PTPRD: variants seen among roughly 807,000 people sequenced by gnomAD.
PTPRD encodes the protein receptor-type tyrosine-protein phosphatase delta.
In PTPRD, 34 loss-of-function variants were observed where a neutral mutation model predicts 214.5. That is an observed-to-expected ratio of 0.16 (90% CI 0.12 to 0.21). The LOEUF is 0.21. PTPRD is among the 10% of genes least tolerant of loss of function. The probability of loss-of-function intolerance (pLI) is 1.00; values close to 1 mark genes in which losing one functional copy is unlikely to be tolerated. For synonymous variants in PTPRD, 1,128 were observed against 845.7 expected, an observed-to-expected ratio of 1.33 and a Z score of -5.79; for missense variants, 2,545 against 2,398.7, an observed-to-expected ratio of 1.06 and a Z score of -1.27.
chr9:10,442,922 A>T (rs73408129), intron 2 of PTPRD, among the ~76,000 whole-genome samples: 1,536 of 151,482 alleles, frequency 0.01, 22 homozygotes, highest in African/African-American at 0.029. Flanking sequence ...GACATGTATT[A>T]GTTGATTGTT....
intron 10 of PTPRD, among the ~76,000 whole-genome samples, chr9:9,127,849 G>A (rs913872901): frequency 3.3e-5 from 5 of 152,118 alleles, no homozygotes; most frequent in Non-Finnish European, 7.4e-5. Context: ...TTTAGCAAAA[G>A]GAAGAAAAGG....
At chr9:9,348,853 T>C (rs10816097) in intron 9 of PTPRD, among the ~76,000 whole-genome samples, 33,210 of 152,022 alleles carry the variant, frequency 0.22, 4,266 homozygotes, top group Non-Finnish European at 0.29. Flanking sequence ...ATAAGGTCCC[T>C]CTGTACTACA....
chr9:10,587,776 A>G (rs1163927957), intron 2 of PTPRD, among the ~76,000 whole-genome samples: 1 of 152,102 alleles, frequency 6.6e-6, no homozygotes, highest in Non-Finnish European at 1.5e-5. Flanking sequence ...GATATAGTCT[A>G]TTCCCTCCAC....
intron 14 of PTPRD, among the ~76,000 whole-genome samples, chr9:8,586,386 C>G (rs1347291502): frequency 2.0e-5 from 3 of 152,184 alleles, no homozygotes; most frequent in African/African-American, 7.2e-5. Flanking sequence ...TCTTCACCAG[C>G]TCATATTTCT....
At chr9:8,459,969 C>T (rs113716820) in intron 33 of PTPRD, among the ~76,000 whole-genome samples, 18 of 152,180 alleles carry the variant, frequency 1.2e-4, no homozygotes, top group African/African-American at 4.3e-4. Flanking sequence ...AGGGAGCTAT[C>T]TCAACACTTG....
chr9:8,713,387 C>T (rs1203481795), intron 12 of PTPRD: 2 of 1,077,574 alleles, frequency 1.9e-6, no homozygotes, highest in Non-Finnish European at 2.8e-6. Context: ...CACACACCGC[C>T]CCTCTACCGC....
At chr9:9,369,429 A>G (rs1596486265) in intron 9 of PTPRD, among the ~76,000 whole-genome samples, 1 of 152,056 alleles carries the variant, frequency 6.6e-6, no homozygotes, top group East Asian at 1.9e-4. Flanking sequence ...GTCTGTTCAT[A>G]TCCTTTGCCC....
chr9:9,248,656 A>G (rs957088168), intron 9 of PTPRD, among the ~76,000 whole-genome samples: 1 of 152,090 alleles, frequency 6.6e-6, no homozygotes, highest in African/African-American at 2.4e-5. Flanking sequence ...AAATAGTTCT[A>G]TGCACTATAT....
chr9:9,966,721 T>A (rs1298264494), intron 4 of PTPRD, among the ~76,000 whole-genome samples: 1 of 152,096 alleles, frequency 6.6e-6, no homozygotes, highest in African/African-American at 2.4e-5. Flanking sequence ...AGTTGTACAC[T>A]CCTTCGGTCA....
At chr9:8,969,323 G>C (rs1383804019) in intron 11 of PTPRD, among the ~76,000 whole-genome samples, 1 of 151,958 alleles carries the variant, frequency 6.6e-6, no homozygotes, top group East Asian at 1.9e-4. Context: ...CAGTCCTTTG[G>C]CAAATTCAGA....
intron 11 of PTPRD, among the ~76,000 whole-genome samples, chr9:8,814,948 C>A (rs1480672910): frequency 6.6e-6 from 1 of 152,086 alleles, no homozygotes; most frequent in Non-Finnish European, 1.5e-5. Flanking sequence ...TAACTTAGAA[C>A]AAATGTGCAA....
At chr9:9,036,548 ATAG>A in intron 10 of PTPRD, among the ~76,000 whole-genome samples, 1 of 152,290 alleles carries the variant, frequency 6.6e-6, no homozygotes, top group South Asian at 2.1e-4. Context: ...TAATGTGTCA[ATAG>A]TAGTTTATTA....
At chr9:10,046,032 T>C (rs1179887082) in intron 3 of PTPRD, among the ~76,000 whole-genome samples, 1 of 151,720 alleles carries the variant, frequency 6.6e-6, no homozygotes, top group Non-Finnish European at 1.5e-5. Context: ...AACTAGAAAA[T>C]ATGAGGCATG....
chr9:9,126,590 A>C (rs1323577448), intron 10 of PTPRD, among the ~76,000 whole-genome samples: 1 of 152,238 alleles, frequency 6.6e-6, no homozygotes, highest in Non-Finnish European at 1.5e-5. Flanking sequence ...AATTAATGTG[A>C]GTTATATATA....
At chr9:9,175,951 A>T (rs2099924580) in intron 10 of PTPRD, among the ~76,000 whole-genome samples, 1 of 152,200 alleles carries the variant, frequency 6.6e-6, no homozygotes, top group African/African-American at 2.4e-5. Flanking sequence ...AGTCTTTTAT[A>T]TATCACTCTT....
intron 35 of PTPRD, among the ~76,000 whole-genome samples, chr9:8,431,350 G>C (rs1435048102): frequency 6.6e-6 from 1 of 152,122 alleles, no homozygotes; most frequent in Admixed American, 6.6e-5. Flanking sequence ...AAAGCACAAA[G>C]ATGAAAGCTC....
At chr9:8,862,204 A>G (rs532445417) in intron 11 of PTPRD, 2 of 152,288 alleles carry the variant, frequency 1.3e-5, no homozygotes, top group Admixed American at 6.5e-5. Flanking sequence ...AAAAATACAA[A>G]AATTATCTGG....
At chr9:9,531,496 T>C (rs922065991) in intron 8 of PTPRD, among the ~76,000 whole-genome samples, 12 of 152,152 alleles carry the variant, frequency 7.9e-5, no homozygotes, top group African/African-American at 2.9e-4. Context: ...AAGAATTTTG[T>C]TGGGGCAATG....
In PTPRD at chr9:9,405,647, T is replaced by C. The variant is rs148071488; in HGVS notation, c.-236-8165A>G. 5.5e-3 allele frequency among the ~76,000 whole-genome samples: 839 copies of C among 152,168 alleles called. 4 individuals carry two copies. The highest frequency in any genetic ancestry group is 0.018 in the African/African-American group (747 of 41,562). ...GGTTTGTGCTCTGTTAGATTATTCT[T>C]TTTTAAAGCAAAATAAAGCTGTGAA... is the stretch of plus-strand genomic sequence containing the variant. On this transcript the variant is annotated intron_variant, in intron 8 of 45. Coordinates refer to ENST00000381196, the MANE Select transcript of PTPRD (RefSeq NM_002839.4).
Sources: gnomAD v4.1 joint callset for allele counts (sites outside exome capture counted in the v4.1 genomes callset) on GRCh38, gnomAD v4.1.1 for gene constraint, MANE v1.5 for transcripts, NCBI Gene and HGNC (gene_info 2026-07-23, HGNC 2026-07-21) for gene names.